The following GRIA4 variants were observed in gnomAD, a reference collection of about 807,000 sequenced individuals.
GRIA4 encodes glutamate ionotropic receptor AMPA type subunit 4.
In GRIA4, 34 loss-of-function variants were observed where a neutral mutation model predicts 104.0. The ratio of observed to expected loss-of-function variants is 0.33; its 90% CI spans 0.25 to 0.44. GRIA4 has a LOEUF of 0.44. GRIA4 is among the 20% of genes least tolerant of loss of function. GRIA4 has a pLI of 1.00. For synonymous variants in GRIA4, 386 were observed against 381.9 expected, an observed-to-expected ratio of 1.01 and a Z score of -0.13; for missense variants, 750 against 1,096.5, an observed-to-expected ratio of 0.68 and a Z score of 4.46.
At chr11:105,891,488 A>T (rs1946453313) in intron 6 of GRIA4, among the ~76,000 whole-genome samples, 1 of 152,006 alleles carries the variant, frequency 6.6e-6, no homozygotes, top group African/African-American at 2.4e-5. Flanking sequence ...TCCCTACTTG[A>T]CCCCACAGTT....
At chr11:105,893,117 T>C (rs1946513865) in intron 6 of GRIA4, among the ~76,000 whole-genome samples, 1 of 152,104 alleles carries the variant, frequency 6.6e-6, no homozygotes, top group Non-Finnish European at 1.5e-5. Flanking sequence ...TAATTAACCA[T>C]TGTGAAATTC....
At chr11:105,693,144 G>A (rs1013285040) in intron 3 of GRIA4, among the ~76,000 whole-genome samples, 1 of 152,078 alleles carries the variant, frequency 6.6e-6, no homozygotes. Context: ...CAAAGGGGAA[G>A]GGTCAAATCA....
chr11:105,742,700 GCC>G (rs971814645), intron 3 of GRIA4, among the ~76,000 whole-genome samples: 1 of 151,730 alleles, frequency 6.6e-6, no homozygotes, highest in Non-Finnish European at 1.5e-5. Flanking sequence ...AATTACCAAA[GCC>G]CACATTTTAT....
Position 105,915,164 on chromosome 11 carries a change from C to T in GRIA4, c.1270-3548C>T, listed in dbSNP as rs555661874. On this transcript the variant is annotated intron_variant, in intron 10 of 16. Coordinates refer to ENST00000282499, the MANE Select transcript of GRIA4 (RefSeq NM_000829.4). ...AGACATCGTTCAAGGAAAGCCTAGCCGTTCTCTCCTTTAAACCTCCCCACC... is the reference window on the plus strand; with the variant it reads ...AGACATCGTTCAAGGAAAGCCTAGCTGTTCTCTCCTTTAAACCTCCCCACC... Among the ~76,000 whole-genome samples the T allele has an allele frequency of 3.9e-5, 6 of 152,266 alleles. No homozygotes were observed. The East Asian group carries it at 9.7e-4, about 25-fold the overall frequency.
At chr11:105,879,450 G>A (rs946392482) in intron 5 of GRIA4, among the ~76,000 whole-genome samples, 3 of 152,088 alleles carry the variant, frequency 2.0e-5, no homozygotes, top group African/African-American at 4.8e-5. Flanking sequence ...TTTGGGATAC[G>A]TACATGAACT....
At chr11:105,737,997 T>C (rs1248680442) in intron 3 of GRIA4, among the ~76,000 whole-genome samples, 1 of 152,094 alleles carries the variant, frequency 6.6e-6, no homozygotes, top group African/African-American at 2.4e-5. Flanking sequence ...CATGGGTATA[T>C]AATAAGTTCC....
chr11:105,810,395 G>A (rs1024026127), intron 4 of GRIA4, among the ~76,000 whole-genome samples: 6 of 152,124 alleles, frequency 3.9e-5, no homozygotes, highest in African/African-American at 1.4e-4. Context: ...GACAGGTTTA[G>A]TTGCTCTCAC....
intron 3 of GRIA4, among the ~76,000 whole-genome samples, chr11:105,695,452 G>A (rs1006526866): frequency 7.7e-6 from 1 of 130,006 alleles, no homozygotes; most frequent in African/African-American, 2.8e-5. Context: ...GTGCGTGTGT[G>A]TGTGTGTCTG....
chr11:105,822,278 A>C (rs1943602009), intron 4 of GRIA4, among the ~76,000 whole-genome samples: 1 of 152,134 alleles, frequency 6.6e-6, no homozygotes, highest in Admixed American at 6.6e-5. Flanking sequence ...AGAGGAAATC[A>C]GAGTGGCTCT....
intron 3 of GRIA4, among the ~76,000 whole-genome samples, chr11:105,735,015 G>A (rs1026396075): frequency 9.2e-5 from 14 of 152,006 alleles, no homozygotes; most frequent in African/African-American, 2.2e-4. Context: ...TTCTAGTTTC[G>A]CATATTCTCA....
chr11:105,726,561 C>T (rs1281413685), intron 3 of GRIA4, among the ~76,000 whole-genome samples: 2 of 152,162 alleles, frequency 1.3e-5, no homozygotes, highest in Non-Finnish European at 1.5e-5. Context: ...AGACTTCTTC[C>T]TCAAGTGGGT....
intron 3 of GRIA4, among the ~76,000 whole-genome samples, chr11:105,710,062 T>C (rs1157817849): frequency 1.3e-5 from 2 of 152,180 alleles, no homozygotes; most frequent in Admixed American, 1.3e-4. Flanking sequence ...ATGTAGCATA[T>C]CCTTAGTGAA....
Position 105,610,905 on chromosome 11 carries a change from TAGC to T in GRIA4, c.-90-2_-90del. 2.0e-6 allele frequency: 1 copy of T among 502,894 alleles called. No homozygotes were observed. The highest frequency in any genetic ancestry group is 4.3e-5 in the South Asian group (1 of 23,456). 31.2% of individuals were successfully genotyped at this position (502,894 alleles called of 1,614,324 possible). ...TTTTTTTTTTGGTTGATTTTAATTTTAGCGCCATCGTCTTCAATGCTTCTCTGA... is the reference window on the plus strand; with the variant it reads ...TTTTTTTTTTGGTTGATTTTAATTTTGCCATCGTCTTCAATGCTTCTCTGA... On this transcript the variant is annotated splice_acceptor_variant and 5_prime_UTR_variant, in exon 2 of 17. Transcript: ENST00000282499. LOFTEE classifies it low-confidence loss of function (5UTR_SPLICE).
intron 4 of GRIA4, among the ~76,000 whole-genome samples, chr11:105,815,407 A>T (rs928867952): frequency 2.6e-5 from 4 of 151,826 alleles, no homozygotes; most frequent in African/African-American, 9.7e-5. Flanking sequence ...GATAGTTAAG[A>T]CTCTATTATC....
At chr11:105,765,461 A>C (rs185266140) in intron 4 of GRIA4, among the ~76,000 whole-genome samples, 129 of 152,324 alleles carry the variant, frequency 8.5e-4, no homozygotes, top group Non-Finnish European at 3.4e-4. Flanking sequence ...CAGCATATTG[A>C]AATCACTGAT....
At chr11:105,913,702 G>A (rs1243378917) in intron 10 of GRIA4, among the ~76,000 whole-genome samples, 1 of 151,952 alleles carries the variant, frequency 6.6e-6, no homozygotes, top group Non-Finnish European at 1.5e-5. Flanking sequence ...CTCTGGAAAA[G>A]GGGAGATAAT....
At chr11:105,799,267 CCTT>C (rs1273642709) in intron 4 of GRIA4, among the ~76,000 whole-genome samples, 2 of 152,030 alleles carry the variant, frequency 1.3e-5, no homozygotes, top group African/African-American at 4.8e-5. Flanking sequence ...TCACTGGTGA[CCTT>C]CTCAAGAGCA....
In GRIA4 at chr11:105,892,227, C is replaced by T. The variant is rs970648659; in HGVS notation, c.726+4655C>T. ...CATTGCTCTGTATTGATATTCACTC[C>T]TCTACCAGTCAAATAATTTAAATAT... On this transcript the variant is annotated intron_variant, in intron 6 of 16. Coordinates refer to ENST00000282499, the MANE Select transcript of GRIA4 (RefSeq NM_000829.4). Among the ~76,000 whole-genome samples the T allele has an allele frequency of 2.6e-4, 40 of 152,164 alleles. 1 individual carries two copies. The highest frequency in any genetic ancestry group is 1.5e-5 in the Non-Finnish European group (1 of 68,010).
chr11:105,928,919 T>G (rs568799274), intron 13 of GRIA4, among the ~76,000 whole-genome samples: 1 of 152,194 alleles, frequency 6.6e-6, no homozygotes, highest in East Asian at 1.9e-4. Context: ...CTTCCTAGAT[T>G]TATAGTCTTC....
Sources: allele counts gnomAD v4.1 joint callset (sites outside exome capture counted in the v4.1 genomes callset), GRCh38; gene constraint gnomAD v4.1.1; transcripts MANE v1.5; gene names NCBI Gene and HGNC (gene_info 2026-07-23, HGNC 2026-07-21).